Variants in USP33 observed in about 807,000 individuals in gnomAD.
USP33 encodes ubiquitin carboxyl-terminal hydrolase 33.
USP33 carries 46 observed loss-of-function variants against 124.2 expected under a neutral mutation model. That is an observed-to-expected ratio of 0.37 (90% CI 0.29 to 0.47). The LOEUF is 0.47. USP33 is among the 20% of genes least tolerant of loss of function. The probability of loss-of-function intolerance (pLI) is 0.99; values close to 1 mark genes in which losing one functional copy is unlikely to be tolerated. For missense variants in USP33, 851 were observed against 1,070.6 expected (o/e 0.79, Z 2.86); for synonymous variants, 350 against 352.3 (o/e 0.99, Z 0.07).
intron 1 of USP33, among the ~76,000 whole-genome samples, chr1:77,748,056 T>G (rs968748425): frequency 2.0e-5 from 3 of 152,246 alleles, no homozygotes; most frequent in Non-Finnish European, 4.4e-5. Flanking sequence ...ATGGTTTCCC[T>G]GGCTACACTG....
At position 77,725,714 on chromosome 1, in the gene USP33, AGGATCTGT is replaced by A; in HGVS notation, c.1176_1183del (p.Gln393SerfsTer4). ...TGGATTAACACCTTCATTTGATGGAAGGATCTGTGGTGTAGACAGGTCATTCGAATGGA... is the reference window on the plus strand; with the variant it reads ...TGGATTAACACCTTCATTTGATGGAAGGTGTAGACAGGTCATTCGAATGGA... On this transcript the variant is annotated frameshift_variant, in exon 11 of 24. Coordinates refer to ENST00000370794, the MANE Select transcript of USP33 (RefSeq NM_201624.3). LOFTEE classifies it high-confidence loss of function. The A allele has an allele frequency of 6.2e-7, 1 of 1,614,160 alleles. No individual in the cohort carries two copies. The highest frequency in any genetic ancestry group is 8.5e-7 in the Non-Finnish European group (1 of 1,180,014).
chr1:77,728,453 G>A lies in USP33; in HGVS notation c.977C>T (p.Ser326Leu). ...TMLIQDDENN[S>L]EMSKDWQKEK... ...TTTTTGCCAATCCTTTGACATTTCT[G>A]AATTGTTTTCATCATCCTGAATTAA... The change falls in exon 10 of 24, where the codon TCA becomes TTA. Residue 326 changes from serine to leucine, a missense_variant. Ser to Leu is a moderately radical substitution (Grantham distance 145). Coordinates refer to ENST00000370794, the MANE Select transcript of USP33 (RefSeq NM_201624.3). 6.2e-7 allele frequency: 1 copy of A among 1,613,844 alleles called. No individual in the cohort carries two copies. The highest frequency in any genetic ancestry group is 8.5e-7 in the Non-Finnish European group (1 of 1,179,948).
intron 1 of USP33, among the ~76,000 whole-genome samples, chr1:77,744,519 T>C (rs1366834652): frequency 2.0e-5 from 3 of 152,032 alleles, no homozygotes; most frequent in African/African-American, 7.2e-5. Flanking sequence ...AACAAATTAC[T>C]TAAAACTAGT....
chr1:77,725,807 A>G (rs755012628), intron 10 of USP33, 45 bp from the exon 11 acceptor site: 10 of 1,516,284 alleles, frequency 6.6e-6, no homozygotes, highest in Non-Finnish European at 9.0e-6. Flanking sequence ...TAGTAAAATT[A>G]TTCTAACTGT....
intron 15 of USP33, among the ~76,000 whole-genome samples, chr1:77,719,162 C>T (rs1490230772): frequency 2.6e-5 from 4 of 151,090 alleles, no homozygotes; most frequent in Non-Finnish European, 4.4e-5. Flanking sequence ...AGATGGAGAC[C>T]ATCCTGGCCA....
Position 77,733,773 on chromosome 1 carries a change from T to C in USP33, c.524+574A>G, listed in dbSNP as rs571415217. Among the ~76,000 whole-genome samples the C allele has an allele frequency of 2.0e-5, 3 of 152,296 alleles. No individual in the cohort carries two copies. The South Asian group carries it at 6.2e-4, about 32-fold the overall frequency. ...TGAAACACTTCTGATTCCCAGCATTTCATATGAGGGATACTCAACCTGTAG... is the reference window on the plus strand; with the variant it reads ...TGAAACACTTCTGATTCCCAGCATTCCATATGAGGGATACTCAACCTGTAG... On this transcript the variant is annotated intron_variant, in intron 7 of 23. Transcript: ENST00000370794.
chr1:77,749,412 C>A (rs1180983418), intron 1 of USP33, among the ~76,000 whole-genome samples: 1 of 150,878 alleles, frequency 6.6e-6, no homozygotes, highest in African/African-American at 2.4e-5. Flanking sequence ...GACGGAGTCT[C>A]GCTCTGCTGC....
At chr1:77,718,756 C>T (rs1676205234) in intron 15 of USP33, 115 bp from the exon 16 acceptor site, 2 of 755,544 alleles carry the variant, frequency 2.6e-6, no homozygotes, top group Non-Finnish European at 4.4e-6. Context: ...ATGGTGAAAT[C>T]CCGTCTCTAC....
intron 1 of USP33, among the ~76,000 whole-genome samples, chr1:77,748,879 A>G (rs950285652): frequency 7.0e-6 from 1 of 142,086 alleles, no homozygotes; most frequent in Non-Finnish European, 1.5e-5. Flanking sequence ...ATTCTTCATC[A>G]TGGAAAAGAG....
chr1:77,721,094 T>C (rs1676512462), intron 15 of USP33, 78 bp downstream of exon 15: 1 of 1,531,020 alleles, frequency 6.5e-7, no homozygotes. Flanking sequence ...CAGTGGCAAA[T>C]TTAACTCCAC....
In USP33 at chr1:77,720,104, G is replaced by C. The variant is rs367604377; in HGVS notation, c.1691+1068C>G. On this transcript the variant is annotated intron_variant, in intron 15 of 23. Transcript: ENST00000370794. ...GTGCCCAGGAAGCTGAGCCTGCAAA[G>C]AGCTGTAATCATGCTACTGAATCTT... Among the ~76,000 whole-genome samples the C allele has an allele frequency of 1.4e-4, 17 of 118,106 alleles. No individual in the cohort carries two copies. In the East Asian group the frequency reaches 5.1e-3, roughly 35 times the overall value. 77.5% of individuals were successfully genotyped at this position (118,106 alleles called of 152,430 possible).
At chr1:77,706,398 C>G (rs1435824055) in intron 21 of USP33, among the ~76,000 whole-genome samples, 1 of 152,154 alleles carries the variant, frequency 6.6e-6, no homozygotes, top group Non-Finnish European at 1.5e-5. Flanking sequence ...TGTTTACTTA[C>G]TGAGTTGTAT....
At chr1:77,717,386 AGG>A (rs1209769025) in intron 17 of USP33, among the ~76,000 whole-genome samples, 1 of 151,464 alleles carries the variant, frequency 6.6e-6, no homozygotes, top group African/African-American at 2.4e-5. Flanking sequence ...GCTACTTGGG[AGG>A]CTGAGGCAGG....
chr1:77,697,256 A>C lies in USP33; in HGVS notation c.*61T>G. ...AACACGCTTTTAGGAATGTTTTCGC[A>C]TGTGTACATGTCAGGGCACATGAAA... is the stretch of plus-strand genomic sequence containing the variant. On this transcript the variant is annotated 3_prime_UTR_variant, in exon 24 of 24. Coordinates refer to ENST00000370794, the MANE Select transcript of USP33 (RefSeq NM_201624.3). The C allele has an allele frequency of 2.9e-6, 4 of 1,396,468 alleles. No individual in the cohort carries two copies. The highest frequency in any genetic ancestry group is 3.8e-6 in the Non-Finnish European group (4 of 1,046,670). The allele number at this position is 1,396,468 out of a possible 1,614,324, so 86.5% of individuals were successfully genotyped here.
At chr1:77,731,169 C>T (rs1221967103) in intron 7 of USP33, among the ~76,000 whole-genome samples, 4 of 152,120 alleles carry the variant, frequency 2.6e-5, no homozygotes, top group African/African-American at 4.8e-5. Flanking sequence ...TTCCCCTGGG[C>T]GATCTAAAAT....
At chr1:77,740,997 A>G in intron 3 of USP33, 58 bp from the exon 4 acceptor site, 2 of 1,162,476 alleles carry the variant, frequency 1.7e-6, no homozygotes, top group Admixed American at 2.7e-5. Context: ...ATGTAAATTT[A>G]TAACAGCATT....
chr1:77,706,127 T>G (rs1447352861), intron 21 of USP33, among the ~76,000 whole-genome samples: 1 of 152,238 alleles, frequency 6.6e-6, no homozygotes, highest in African/African-American at 2.4e-5. Context: ...TTTGTTTACA[T>G]GTTTTATGTT....
chr1:77,710,835 A>C (rs944286045), intron 21 of USP33, among the ~76,000 whole-genome samples: 1 of 152,204 alleles, frequency 6.6e-6, no homozygotes, highest in Non-Finnish European at 1.5e-5. Context: ...CAAGTGATCC[A>C]AATTTTCAAT....
At chr1:77,740,168 T>C (rs1330044682) in intron 4 of USP33, among the ~76,000 whole-genome samples, 2 of 152,018 alleles carry the variant, frequency 1.3e-5, no homozygotes, top group African/African-American at 2.4e-5. Flanking sequence ...ACATGGGAAG[T>C]ACCAAACAAC....
Sources: allele counts gnomAD v4.1 joint callset (sites outside exome capture counted in the v4.1 genomes callset), GRCh38; gene constraint gnomAD v4.1.1; transcripts MANE v1.5; gene names NCBI Gene and HGNC (gene_info 2026-07-23, HGNC 2026-07-21).